The following KCNAB1 variants were observed in gnomAD, a reference collection of about 807,000 sequenced individuals.
The protein encoded by KCNAB1 is voltage-gated potassium channel subunit beta-1.
Under a neutral mutation model 64.6 loss-of-function variants are expected in KCNAB1, and 35 were observed. The ratio of observed to expected loss-of-function variants is 0.54; its 90% CI spans 0.41 to 0.72. The LOEUF is 0.72. Ranked by LOEUF, KCNAB1 falls within the 30% of genes least tolerant of loss-of-function variation. The pLI, the probability that KCNAB1 is intolerant of heterozygous loss-of-function variation, is 0.00. For missense variants in KCNAB1, 401 were observed against 512.9 expected, an observed-to-expected ratio of 0.78 and a Z score of 2.11; for synonymous variants, 177 against 183.8, an observed-to-expected ratio of 0.96 and a Z score of 0.30.
rs1302629401 is a variant in KCNAB1 at position 156,158,178 on chromosome 3, AAAAAT to A, written c.275+37296_275+37300del. On this transcript the variant is annotated intron_variant, in intron 1 of 13. Transcript: ENST00000490337. The stretch of plus-strand genomic sequence containing the variant: ...AAACTCTGTCTCAAAAAAAAAAATA[AAAAAT>A]AAATAAATAAATAAATAAATAAATA... 1.4e-4 allele frequency among the ~76,000 whole-genome samples: 6 copies of A among 43,910 alleles called. 1 individual carries two copies. The highest frequency in any genetic ancestry group is 1.5e-3 in the East Asian group (1 of 666). The allele number at this position is 43,910 out of a possible 152,430, so 28.8% of individuals were successfully genotyped here. A position where few individuals can be genotyped will look rare whatever the true frequency, so the allele number is the denominator to read the frequency against.
chr3:156,123,286 G>T (rs898252216), intron 1 of KCNAB1, among the ~76,000 whole-genome samples: 2 of 152,196 alleles, frequency 1.3e-5, no homozygotes, highest in African/African-American at 2.4e-5. Context: ...ATAATTCTGT[G>T]GGTCTTTGGT....
At chr3:156,493,598 AT>A (rs1715797295) in intron 8 of KCNAB1, among the ~76,000 whole-genome samples, 1 of 152,150 alleles carries the variant, frequency 6.6e-6, no homozygotes, top group African/African-American at 2.4e-5. Context: ...ATAATATTAT[AT>A]AATCTGAGTC....
chr3:156,193,188 T>C (rs1322174368), intron 1 of KCNAB1, among the ~76,000 whole-genome samples: 1 of 152,172 alleles, frequency 6.6e-6, no homozygotes, highest in Non-Finnish European at 1.5e-5. Flanking sequence ...GTCATTGCTT[T>C]AGGGTGTTTA....
At chr3:156,162,921 C>G (rs1374192609) in intron 1 of KCNAB1, among the ~76,000 whole-genome samples, 1 of 152,130 alleles carries the variant, frequency 6.6e-6, no homozygotes, top group African/African-American at 2.4e-5. Flanking sequence ...CAAGGGAAAC[C>G]ATTTCACAAA....
At chr3:156,485,221 G>A (rs1475880545) in intron 8 of KCNAB1, among the ~76,000 whole-genome samples, 1 of 152,046 alleles carries the variant, frequency 6.6e-6, no homozygotes, top group Non-Finnish European at 1.5e-5. Flanking sequence ...CAAATGAAGT[G>A]TGCAAGAGCT....
At chr3:156,176,900 C>T in intron 1 of KCNAB1, 1 of 1,110,838 alleles carries the variant, frequency 9.0e-7, no homozygotes, top group Non-Finnish European at 1.3e-6. Flanking sequence ...TACGCTTCTG[C>T]TGTTCTATCA....
chr3:156,518,714 C>T (rs994906428), intron 11 of KCNAB1, among the ~76,000 whole-genome samples: 1 of 152,156 alleles, frequency 6.6e-6, no homozygotes, highest in Non-Finnish European at 1.5e-5. Flanking sequence ...ATCTAGGGCT[C>T]TTTTAGAAAG....
chr3:156,443,770 ACACACACAC>A (rs1717186685), intron 2 of KCNAB1, among the ~76,000 whole-genome samples: 6 of 146,536 alleles, frequency 4.1e-5, no homozygotes, highest in African/African-American at 1.5e-4. Flanking sequence ...ACACACACAC[ACACACACAC>A]ACTATTCTTT....
intron 1 of KCNAB1, among the ~76,000 whole-genome samples, chr3:156,279,729 A>T (rs1320325952): frequency 1.3e-5 from 2 of 151,962 alleles, no homozygotes; most frequent in Non-Finnish European, 2.9e-5. Context: ...GATGATGAGC[A>T]TTTTTTCATT....
chr3:156,284,459 G>T (rs1309127221), intron 1 of KCNAB1, among the ~76,000 whole-genome samples: 1 of 152,228 alleles, frequency 6.6e-6, no homozygotes, highest in African/African-American at 2.4e-5. Context: ...AGCCTACAGA[G>T]GCAGGCAGGC....
chr3:156,146,208 A>C (rs1295989293), intron 1 of KCNAB1, among the ~76,000 whole-genome samples: 1 of 152,250 alleles, frequency 6.6e-6, no homozygotes, highest in East Asian at 1.9e-4. Flanking sequence ...ACTGGAGGAC[A>C]TTGAATGTGG....
chr3:156,469,086 A>G (rs1025017450), intron 7 of KCNAB1, among the ~76,000 whole-genome samples: 1 of 152,148 alleles, frequency 6.6e-6, no homozygotes, highest in African/African-American at 2.4e-5. Context: ...GAAAAGAGAG[A>G]TTCGGAAAAT....
intron 1 of KCNAB1, among the ~76,000 whole-genome samples, chr3:156,161,128 A>G (rs1716051025): frequency 6.6e-6 from 1 of 152,204 alleles, no homozygotes; most frequent in Admixed American, 6.5e-5. Flanking sequence ...ACTACAATTT[A>G]TTAACTGAGA....
chr3:156,177,186 C>T (rs1712435967), intron 1 of KCNAB1, among the ~76,000 whole-genome samples: 1 of 152,144 alleles, frequency 6.6e-6, no homozygotes, highest in African/African-American at 2.4e-5. Context: ...AAAGCAATTT[C>T]AGGCAAAAGT....
intron 1 of KCNAB1, among the ~76,000 whole-genome samples, chr3:156,406,376 C>T (rs150312731): frequency 1.3e-5 from 2 of 152,216 alleles, no homozygotes; most frequent in Admixed American, 1.3e-4. Context: ...AAGAAGCACG[C>T]AAGCTTGTGG....
At chr3:156,525,419 A>T (rs555264917) in intron 12 of KCNAB1, among the ~76,000 whole-genome samples, 14 of 152,374 alleles carry the variant, frequency 9.2e-5, no homozygotes, top group African/African-American at 3.4e-4. Context: ...ATAGAAAAAA[A>T]GCTTATAACA....
chr3:156,177,418 C>A (rs775098313), intron 1 of KCNAB1, among the ~76,000 whole-genome samples: 12 of 152,088 alleles, frequency 7.9e-5, no homozygotes, highest in Non-Finnish European at 1.5e-4. Context: ...TCTCTGTCGC[C>A]GAGGCTGGAG....
intron 2 of KCNAB1, among the ~76,000 whole-genome samples, chr3:156,439,224 A>ATTTTTTTTTTTTTTTTTT (rs56259743): frequency 8.7e-6 from 1 of 115,118 alleles, no homozygotes. Flanking sequence ...CATCATTGTG[A>ATTTTTTTTTTTTTTTTTT]TTTTTTTTTT....
At chr3:156,298,117 A>C (rs763074503) in intron 1 of KCNAB1, among the ~76,000 whole-genome samples, 1 of 152,206 alleles carries the variant, frequency 6.6e-6, no homozygotes, top group Non-Finnish European at 1.5e-5. Context: ...ATTCAATCTC[A>C]TAGAGTTTAT....
Sources: allele counts gnomAD v4.1 joint callset (sites outside exome capture counted in the v4.1 genomes callset), GRCh38; gene constraint gnomAD v4.1.1; transcripts MANE v1.5; gene names NCBI Gene and HGNC (gene_info 2026-07-23, HGNC 2026-07-21).